IL1RAPL1: variants seen among roughly 807,000 people sequenced by gnomAD.
The protein encoded by IL1RAPL1 is interleukin-1 receptor accessory protein-like 1.
IL1RAPL1 carries 3 observed loss-of-function variants against 48.4 expected under a neutral mutation model. The ratio of observed to expected loss-of-function variants is 0.06; its 90% CI spans 0.03 to 0.16. The LOEUF (loss-of-function observed/expected upper bound fraction) is 0.16, where lower values mean the gene tolerates loss of function less well. Ranked by LOEUF, IL1RAPL1 falls within the 10% of genes least tolerant of loss-of-function variation. The pLI is 1.00. For synonymous variants in IL1RAPL1, 185 were observed against 187.7 expected (o/e 0.99, Z 0.12); for missense variants, 349 against 530.6 (o/e 0.66, Z 3.36).
chrX:29,155,083 C>T (rs929062551), intron 2 of IL1RAPL1, among the ~76,000 whole-genome samples: 1 of 108,836 alleles, frequency 9.2e-6, no homozygotes, highest in Non-Finnish European at 1.9e-5. Context: ...TCTTGGCTCA[C>T]TGCAACCTCC....
At position 28,608,617 on chromosome X, in the gene IL1RAPL1, G is replaced by T. The variant is rs772528533; in HGVS notation, c.-25+20570G>T. Among the ~76,000 whole-genome samples, 4 of 111,879 alleles carry T rather than the reference G, an allele frequency of 3.6e-5. No homozygotes were observed. In the South Asian group the frequency reaches 1.5e-3, roughly 42 times the overall value. ...CAGCAATGCTACTATCAAAGCATGA[G>T]ATTTGGGTAGCTGCAACATGTGTAC... is the stretch of plus-strand genomic sequence containing the variant. On this transcript the variant is annotated intron_variant, in intron 1 of 10. Transcript: ENST00000378993.
At chrX:29,686,707 G>A (rs781716173) in intron 6 of IL1RAPL1, among the ~76,000 whole-genome samples, 130 of 108,829 alleles carry the variant, frequency 1.2e-3, no homozygotes, top group African/African-American at 4.2e-3. Context: ...ACAGGCGCCC[G>A]CCACCACGCC....
chrX:29,558,815 A>T (rs906534958), intron 5 of IL1RAPL1, among the ~76,000 whole-genome samples: 1 of 111,328 alleles, frequency 9.0e-6, no homozygotes, highest in Non-Finnish European at 1.9e-5. Context: ...GTTTCTTAGC[A>T]TGCTTGTTGA....
chrX:28,652,434 C>G (rs1487749118), intron 1 of IL1RAPL1, among the ~76,000 whole-genome samples: 1 of 112,074 alleles, frequency 8.9e-6, no homozygotes. Flanking sequence ...AACCAAGCCT[C>G]TCTGTGCATG....
chrX:28,982,529 C>T (rs1925368358), intron 2 of IL1RAPL1, among the ~76,000 whole-genome samples: 2 of 112,025 alleles, frequency 1.8e-5, no homozygotes, highest in African/African-American at 6.5e-5. Context: ...ACACTATTTG[C>T]ATTTAGTACC....
At chrX:29,217,769 TCTCTCTCTCACACACA>T (rs1242777434) in intron 2 of IL1RAPL1, among the ~76,000 whole-genome samples, 8 of 71,121 alleles carry the variant, frequency 1.1e-4, no homozygotes, top group African/African-American at 4.1e-4. Context: ...TCTCTCTCTC[TCTCTCTCTCACACACA>T]CACACACACA....
At chrX:28,690,180 C>T (rs1160257882) in intron 1 of IL1RAPL1, among the ~76,000 whole-genome samples, 1 of 111,556 alleles carries the variant, frequency 9.0e-6, no homozygotes, top group African/African-American at 3.3e-5. Flanking sequence ...TCTCTAGCAG[C>T]AGTGGCTTCT....
At chrX:29,647,618 TGGTAACCACA>T (rs1925375641) in intron 5 of IL1RAPL1, among the ~76,000 whole-genome samples, 1 of 111,401 alleles carries the variant, frequency 9.0e-6, no homozygotes, top group African/African-American at 3.3e-5. Context: ...GTAAGCCTCA[TGGTAACCACA>T]AAGCAAAAAA....
chrX:29,381,827 AAAAAAAATATAT>A (rs1233447705), intron 3 of IL1RAPL1, among the ~76,000 whole-genome samples: 3 of 36,149 alleles, frequency 8.3e-5, no homozygotes, highest in African/African-American at 2.0e-4. Context: ...AAAAAAAAAA[AAAAAAAATATAT>A]ATATATATAT....
chrX:28,862,530 A>G (rs1280282971), intron 2 of IL1RAPL1, among the ~76,000 whole-genome samples: 3 of 111,721 alleles, frequency 2.7e-5, no homozygotes, highest in African/African-American at 9.8e-5. Flanking sequence ...CAAAACGTTC[A>G]TAGAGGCTCA....
intron 2 of IL1RAPL1, among the ~76,000 whole-genome samples, chrX:29,220,950 C>T (rs1930961984): frequency 9.0e-6 from 1 of 111,282 alleles, no homozygotes; most frequent in Non-Finnish European, 1.9e-5. Context: ...CTCACTTTGT[C>T]ACCCAGGCTA....
intron 1 of IL1RAPL1, among the ~76,000 whole-genome samples, chrX:28,682,763 T>C (rs971651969): frequency 1.8e-5 from 2 of 112,460 alleles, no homozygotes; most frequent in Non-Finnish European, 3.7e-5. Context: ...TTATTATTGA[T>C]ATGAACTTTG....
intron 2 of IL1RAPL1, among the ~76,000 whole-genome samples, chrX:28,840,286 A>G (rs1446059935): frequency 9.0e-6 from 1 of 111,274 alleles, no homozygotes; most frequent in Admixed American, 9.6e-5. Context: ...GAAAATTGAC[A>G]TTGGCACAAT....
At chrX:29,005,231 GTTAGATGTTT>G in intron 2 of IL1RAPL1, among the ~76,000 whole-genome samples, 1 of 111,848 alleles carries the variant, frequency 8.9e-6, no homozygotes, top group Admixed American at 9.5e-5. Flanking sequence ...TTATTGGTAC[GTTAGATGTTT>G]TTCAAAAAAA....
intron 5 of IL1RAPL1, among the ~76,000 whole-genome samples, chrX:29,655,287 C>T (rs921782549): frequency 1.3e-4 from 15 of 111,996 alleles, no homozygotes; most frequent in African/African-American, 4.9e-4. Flanking sequence ...AAGTTTCTCC[C>T]ACCTCCCTCC....
intron 5 of IL1RAPL1, among the ~76,000 whole-genome samples, chrX:29,436,563 G>C (rs1381001822): frequency 9.3e-6 from 1 of 107,420 alleles, no homozygotes; most frequent in Non-Finnish European, 1.9e-5. Flanking sequence ...CTTTTTTTTT[G>C]TTCCCACTTG....
At chrX:29,245,022 G>A (rs1158442248) in intron 2 of IL1RAPL1, among the ~76,000 whole-genome samples, 7 of 109,055 alleles carry the variant, frequency 6.4e-5, no homozygotes, top group Non-Finnish European at 9.5e-5. Context: ...GAGAACATGC[G>A]GTGTTTGGTT....
At chrX:28,611,415 T>C (rs778882163) in intron 1 of IL1RAPL1, among the ~76,000 whole-genome samples, 8 of 111,984 alleles carry the variant, frequency 7.1e-5, no homozygotes, top group African/African-American at 2.3e-4. Flanking sequence ...GAGTTTACAA[T>C]TGACTCCATT....
At chrX:28,662,806 A>G (rs749243456) in intron 1 of IL1RAPL1, among the ~76,000 whole-genome samples, 3 of 111,746 alleles carry the variant, frequency 2.7e-5, no homozygotes, top group South Asian at 7.6e-4. Flanking sequence ...ATGATCACCT[A>G]TTATACTCTT....
Sources: gnomAD v4.1 joint callset for allele counts (sites outside exome capture counted in the v4.1 genomes callset) on GRCh38, gnomAD v4.1.1 for gene constraint, MANE v1.5 for transcripts, NCBI Gene and HGNC (gene_info 2026-07-23, HGNC 2026-07-21) for gene names.